PCDHA1: variants seen among roughly 807,000 people sequenced by gnomAD.
PCDHA1 encodes the protein protocadherin alpha 1.
A neutral mutation model predicts 61.3 loss-of-function variants in PCDHA1; 42 were observed. The ratio of observed to expected loss-of-function variants is 0.69; its 90% confidence interval spans 0.54 to 0.89. The LOEUF is 0.89. PCDHA1 is among the 40% of genes least tolerant of loss of function. The pLI is 0.00. For synonymous variants in PCDHA1, 610 were observed against 553.8 expected (o/e 1.10, Z -1.43); for missense variants, 1,256 against 1,235.3 (o/e 1.02, Z -0.25).
intron 1 of PCDHA1, 119 bp from the exon 2 acceptor site, chr5:140,978,830 C>A: frequency 1.3e-6 from 2 of 1,535,340 alleles, no homozygotes; most frequent in Non-Finnish European, 1.8e-6. Context: ...TGAAATGGCT[C>A]ATTCAATACT....
intron 1 of PCDHA1, chr5:140,842,220 G>A: frequency 1.2e-6 from 2 of 1,613,146 alleles, no homozygotes; most frequent in Non-Finnish European, 1.7e-6. Flanking sequence ...CGAAATACGG[G>A]AGAAATAGTG....
intron 3 of PCDHA1, among the ~76,000 whole-genome samples, chr5:141,002,021 C>T (rs1177146388): frequency 6.6e-6 from 1 of 152,184 alleles, no homozygotes; most frequent in Non-Finnish European, 1.5e-5. Context: ...GCACAGCCTT[C>T]GGTGCCCTGA....
chr5:140,824,954 A>G (rs1230853437), intron 1 of PCDHA1: 1 of 152,086 alleles, frequency 6.6e-6, no homozygotes, highest in East Asian at 1.9e-4. Context: ...TAAAAATTAT[A>G]TTTTTCATTT....
chr5:140,849,946 C>T (rs2041246534), intron 1 of PCDHA1: 5 of 1,597,770 alleles, frequency 3.1e-6, no homozygotes, highest in East Asian at 2.2e-5. Flanking sequence ...GACGCTGACG[C>T]GCAGGAGAAC....
intron 1 of PCDHA1, among the ~76,000 whole-genome samples, chr5:140,945,587 C>A (rs2093812111): frequency 6.6e-6 from 1 of 152,052 alleles, no homozygotes; most frequent in African/African-American, 2.4e-5. Context: ...TCAAAATATA[C>A]TTCAAAGCTA....
chr5:140,865,077 A>G (rs2048727264), intron 1 of PCDHA1: 1 of 152,246 alleles, frequency 6.6e-6, no homozygotes, highest in Non-Finnish European at 1.5e-5. Flanking sequence ...TATAAGAACC[A>G]TGGGATATTA....
chr5:140,795,570 A>G (rs1554119495), intron 1 of PCDHA1: 1 of 1,614,192 alleles, frequency 6.2e-7, no homozygotes, highest in Admixed American at 1.7e-5. Context: ...CGCTGGACAG[A>G]GAGGAAACTG....
At chr5:140,822,630 TGAC>T (rs2150117881) in intron 1 of PCDHA1, 10 of 1,611,342 alleles carry the variant, frequency 6.2e-6, no homozygotes, top group Non-Finnish European at 4.2e-6. Flanking sequence ...ATCTTGTTCT[TGAC>T]GATGTAAAGT....
In PCDHA1 at chr5:140,969,463, C is replaced by G. The variant is rs549074334; in HGVS notation, c.2395-9486C>G. ...CTGGTAAACTGAGTATATATAGTAT[C>G]CACAATTTGATCATAATCTGCTATT... On this transcript the variant is annotated intron_variant, in intron 1 of 3. Coordinates refer to ENST00000504120, the MANE Select transcript of PCDHA1 (RefSeq NM_018900.4). 74 of 1,491,016 alleles carry G rather than the reference C, an allele frequency of 5.0e-5. No homozygotes were observed. In the South Asian group the frequency reaches 6.0e-4, roughly 12 times the overall value. The allele number at this position is 1,491,016 out of a possible 1,614,324, so 92.4% of individuals were successfully genotyped here.
chr5:140,997,606 A>G (rs1554255929), intron 3 of PCDHA1, among the ~76,000 whole-genome samples: 1 of 152,090 alleles, frequency 6.6e-6, no homozygotes, highest in Non-Finnish European at 1.5e-5. Context: ...TATGGGGCGC[A>G]TGACTATATA....
At chr5:140,913,997 A>G (rs2076553878) in intron 1 of PCDHA1, among the ~76,000 whole-genome samples, 1 of 152,170 alleles carries the variant, frequency 6.6e-6, no homozygotes, top group Admixed American at 6.5e-5. Flanking sequence ...TGACTAGCAT[A>G]TGGTCTATCT....
intron 1 of PCDHA1, among the ~76,000 whole-genome samples, chr5:140,887,519 T>C (rs1460911624): frequency 1.3e-5 from 2 of 152,190 alleles, no homozygotes; most frequent in East Asian, 3.8e-4. Flanking sequence ...CTTTTTTATA[T>C]ATGAGTCTTC....
chr5:140,889,541 ATTTAC>A (rs1434823292), intron 1 of PCDHA1, among the ~76,000 whole-genome samples: 9 of 151,878 alleles, frequency 5.9e-5, no homozygotes, highest in African/African-American at 2.2e-4. Context: ...TTCCTGTCTA[ATTTAC>A]TTTTCTTCAG....
intron 1 of PCDHA1, among the ~76,000 whole-genome samples, chr5:140,872,240 T>A (rs2053559781): frequency 6.6e-6 from 1 of 152,178 alleles, no homozygotes; most frequent in Non-Finnish European, 1.5e-5. Flanking sequence ...TTGTCTTTAT[T>A]CCTGTGATAA....
At chr5:140,994,809 C>G (rs1366407347) in intron 3 of PCDHA1, among the ~76,000 whole-genome samples, 1 of 152,016 alleles carries the variant, frequency 6.6e-6, no homozygotes, top group Non-Finnish European at 1.5e-5. Flanking sequence ...AAACAAAATA[C>G]AAAAAACTGA....
At chr5:140,857,758 C>T (rs1562528719) in intron 1 of PCDHA1, 2 of 1,597,374 alleles carry the variant, frequency 1.3e-6, no homozygotes, top group Admixed American at 1.7e-5. Flanking sequence ...CTCCCGCTGG[C>T]AGCGCGGGCG....
chr5:140,995,901 A>C (rs2097702550), intron 3 of PCDHA1, among the ~76,000 whole-genome samples: 3 of 152,212 alleles, frequency 2.0e-5, no homozygotes, highest in Non-Finnish European at 1.5e-5. Flanking sequence ...CAATGTATAA[A>C]AGAGGAGAGA....
intron 1 of PCDHA1, among the ~76,000 whole-genome samples, chr5:140,831,943 A>G (rs2150198508): frequency 2.0e-5 from 3 of 152,236 alleles, no homozygotes; most frequent in Non-Finnish European, 4.4e-5. Context: ...CCGAAGAGGA[A>G]AAGAAAAACT....
chr5:140,843,651 C>T (rs2150364559), intron 1 of PCDHA1: 1 of 1,595,120 alleles, frequency 6.3e-7, no homozygotes, highest in Non-Finnish European at 8.6e-7. Flanking sequence ...CCCTGCCTTC[C>T]TCCTGATCTG....
Sources: allele counts gnomAD v4.1 joint callset (sites outside exome capture counted in the v4.1 genomes callset), GRCh38; gene constraint gnomAD v4.1.1; transcripts MANE v1.5; gene names NCBI Gene and HGNC (gene_info 2026-07-23, HGNC 2026-07-21).